The following MANSC1 variants were observed in gnomAD, a reference collection of about 807,000 sequenced individuals.
MANSC1 encodes the protein MANSC domain containing 1.
A neutral mutation model predicts 14.1 loss-of-function variants in MANSC1; 13 were observed. That is an observed-to-expected ratio of 0.92 (90% CI 0.60 to 1.46). The LOEUF is 1.46. Among genes scored for constraint, MANSC1 ranks in the 40% most tolerant of loss-of-function variants. MANSC1 has a pLI of 0.00. For synonymous variants in MANSC1, 227 were observed against 200.7 expected (o/e 1.13, Z -1.11); for missense variants, 486 against 511.4 (o/e 0.95, Z 0.48).
At chr12:12,334,756 T>G (rs1393129944) in intron 3 of MANSC1, among the ~76,000 whole-genome samples, 3 of 152,214 alleles carry the variant, frequency 2.0e-5, no homozygotes, top group African/African-American at 7.2e-5. Context: ...CCAGAAGTAT[T>G]AGAAAACAAA....
Position 12,327,275 on chromosome 12 carries a change from C to A in MANSC1, c.*2752G>T, listed in dbSNP as rs1190883250. 1 of 152,290 alleles carries A rather than the reference C, an allele frequency of 6.6e-6. No homozygotes were observed. Among genetic ancestry groups the A allele is most frequent in the African/African-American group, 2.4e-5 (1 of 41,436 alleles). The allele number at this position is 152,290 out of a possible 1,614,324, so 9.4% of individuals were successfully genotyped here. A position where few individuals can be genotyped will look rare whatever the true frequency, so the allele number is the denominator to read the frequency against. On this transcript the variant is annotated 3_prime_UTR_variant, in exon 4 of 4. Coordinates refer to ENST00000535902, the MANE Select transcript of MANSC1 (RefSeq NM_018050.4). The stretch of plus-strand genomic sequence containing the variant: ...AACTCAATGGGCCTTGTGGGAAAGG[C>A]TAACCAGACTAGTCACTGCTGAATT...
intron 2 of MANSC1, among the ~76,000 whole-genome samples, chr12:12,340,898 G>T (rs537557237): frequency 1.3e-5 from 2 of 152,110 alleles, no homozygotes; most frequent in African/African-American, 4.8e-5. Context: ...TAAATTACTT[G>T]CATAAAGTGT....
intron 2 of MANSC1, among the ~76,000 whole-genome samples, chr12:12,340,222 G>T (rs953105358): frequency 1.3e-5 from 2 of 152,152 alleles, no homozygotes; most frequent in Non-Finnish European, 2.9e-5. Context: ...ATCTTTGGGA[G>T]GTCAGCGTAT....
chr12:12,328,146 T>G lies in MANSC1; in HGVS notation c.*1881A>C, dbSNP rs1332222076. On this transcript the variant is annotated 3_prime_UTR_variant, in exon 4 of 4. Coordinates refer to ENST00000535902, the MANE Select transcript of MANSC1 (RefSeq NM_018050.4). ...GTATCAAACTGACCCAGGGGACTTC[T>G]GGACTCTTTGTTACCTCACCTATAA... 6.6e-6 allele frequency: 1 copy of G among 150,586 alleles called. No individual in the cohort carries two copies. The highest frequency in any genetic ancestry group is 1.5e-5 in the Non-Finnish European group (1 of 67,370). The allele number at this position is 150,586 out of a possible 1,614,324, so 9.3% of individuals were successfully genotyped here. A position where few individuals can be genotyped will look rare whatever the true frequency, so the allele number is the denominator to read the frequency against.
intron 1 of MANSC1, among the ~76,000 whole-genome samples, chr12:12,347,562 A>G (rs1219155009): frequency 6.6e-6 from 1 of 152,256 alleles, no homozygotes; most frequent in African/African-American, 2.4e-5. Flanking sequence ...CAAGTCAGCA[A>G]TAAGAAAAGA....
chr12:12,343,199 A>G lies in MANSC1; in HGVS notation c.116T>C (p.Ile39Thr), dbSNP rs1206342980. Residue 39 changes from isoleucine (I) to threonine (T), a missense_variant, in exon 2 of 4, where the codon ATT (isoleucine) becomes ACT (threonine). Ile to Thr is a moderately conservative substitution (Grantham distance 89). Coordinates refer to ENST00000535902, the MANE Select transcript of MANSC1 (RefSeq NM_018050.4). ...CLKKSLEDVV[I>T]DIQSSLSKGI... ...CTTAGAAAGAGATGACTGGATGTCA[A>G]TGACAACATCTTCTAGACTCTTTTT... 6.2e-7 allele frequency: 1 copy of G among 1,613,962 alleles called. No homozygotes were observed. The highest frequency in any genetic ancestry group is 1.7e-5 in the Admixed American group (1 of 60,022).
Position 12,330,808 on chromosome 12 carries a change from AGT to A in MANSC1, c.513_514del (p.Leu172PhefsTer15), listed in dbSNP as rs768903226. 27 of 1,614,044 alleles carry A rather than the reference AGT, an allele frequency of 1.7e-5. No individual in the cohort carries two copies. The highest frequency in any genetic ancestry group is 2.1e-5 in the Non-Finnish European group (25 of 1,180,054). ...ATCTGAGGATCCAAACTTCTGAGAA[AGT>A]GTGTCTCTCCATGAGATATCGGTGG... On this transcript the variant is annotated frameshift_variant, in exon 4 of 4. Transcript: ENST00000535902. LOFTEE classifies it low-confidence loss of function (END_TRUNC).
Position 12,329,924 on chromosome 12 carries a change from G to T in MANSC1, c.*103C>A. On this transcript the variant is annotated 3_prime_UTR_variant, in exon 4 of 4. Coordinates refer to ENST00000535902, the MANE Select transcript of MANSC1 (RefSeq NM_018050.4). ...GGAAAGCAGAAGGGGGCATTTTCCTGTCTTCAAAATACAACCTCCTGCTAA... is the reference window on the plus strand; with the variant it reads ...GGAAAGCAGAAGGGGGCATTTTCCTTTCTTCAAAATACAACCTCCTGCTAA... The T allele has an allele frequency of 7.3e-6, 7 of 961,024 alleles. No individual in the cohort carries two copies. Among genetic ancestry groups the T allele is most frequent in the Non-Finnish European group, 1.1e-5 (7 of 659,114 alleles). 59.5% of individuals were successfully genotyped at this position (961,024 alleles called of 1,614,324 possible).
chr12:12,330,560 T>A lies in MANSC1; in HGVS notation c.763A>T (p.Thr255Ser). The change falls in exon 4 of 4, where the codon ACA becomes TCA. Residue 255 changes from threonine to serine, a missense_variant. Coordinates refer to ENST00000535902, the MANE Select transcript of MANSC1 (RefSeq NM_018050.4). ...TGTGGCTGGGAAGTCCCAGAAGGTGTCACTGAAGCATTGGTGGGTAGAAGG... is the reference window on the plus strand; with the variant it reads ...TGTGGCTGGGAAGTCCCAGAAGGTGACACTGAAGCATTGGTGGGTAGAAGG... ...ATLLPTNASV[T>S]PSGTSQPQLA... 1 of 1,614,192 alleles carries A rather than the reference T, an allele frequency of 6.2e-7. No individual in the cohort carries two copies. The highest frequency in any genetic ancestry group is 2.2e-5 in the East Asian group (1 of 44,886).
rs995433531 is a variant in MANSC1 at position 12,326,091 on chromosome 12, A to G, written c.*3936T>C. On this transcript the variant is annotated 3_prime_UTR_variant, in exon 4 of 4. Transcript: ENST00000535902. Reference sequence around the variant, plus strand: ...ACAAATATTAGAGATTTATTATTACAGAACAAGATGGAAGTTGGCAGTTCC... The same window carrying G: ...ACAAATATTAGAGATTTATTATTACGGAACAAGATGGAAGTTGGCAGTTCC... 6.6e-6 allele frequency: 1 copy of G among 152,228 alleles called. No individual in the cohort carries two copies. The highest frequency in any genetic ancestry group is 1.5e-5 in the Non-Finnish European group (1 of 68,050). 9.4% of individuals were successfully genotyped at this position (152,228 alleles called of 1,614,324 possible).
chr12:12,349,521 T>C (rs1863049765), intron 1 of MANSC1, among the ~76,000 whole-genome samples: 1 of 152,118 alleles, frequency 6.6e-6, no homozygotes, highest in Non-Finnish European at 1.5e-5. Flanking sequence ...TGAAGTCGAG[T>C]TGAATCTTGT....
intron 3 of MANSC1, among the ~76,000 whole-genome samples, chr12:12,337,917 G>A (rs1336912977): frequency 6.6e-6 from 1 of 152,108 alleles, no homozygotes; most frequent in East Asian, 1.9e-4. Flanking sequence ...AATATTTCTT[G>A]AATGAATTTC....
intron 1 of MANSC1, among the ~76,000 whole-genome samples, chr12:12,348,017 C>A (rs1192594343): frequency 6.6e-6 from 1 of 151,770 alleles, no homozygotes; most frequent in African/African-American, 2.4e-5. Flanking sequence ...GAGCCGAGAT[C>A]ATGCCACTGC....
In MANSC1 at chr12:12,330,902, G is replaced by C. The variant is rs34668262; in HGVS notation, c.421C>G (p.Leu141Val). The change falls in exon 4 of 4, where the codon CTC becomes GTC. Residue 141 changes from leucine to valine, a missense_variant. Coordinates refer to ENST00000535902, the MANE Select transcript of MANSC1 (RefSeq NM_018050.4). ...GCTTGTGAAAATTGGCCATGTAAGA[G>C]AGAATCTTCCTGGGGTAACTCTTGG... is the stretch of plus-strand genomic sequence containing the variant. ...PSQELPQEDS[L>V]LHGQFSQAVT... 7.6e-4 allele frequency: 1,227 copies of C among 1,611,176 alleles called. 14 individuals are homozygous for C. The African/African-American group carries it at 0.015, about 20-fold the overall frequency.
At chr12:12,347,999 G>T (rs1026205149) in intron 1 of MANSC1, among the ~76,000 whole-genome samples, 1 of 152,088 alleles carries the variant, frequency 6.6e-6, no homozygotes, top group Non-Finnish European at 1.5e-5. Context: ...GGACGTGGAG[G>T]TTGCAGTGAG....
chr12:12,330,275 T>TG lies in MANSC1; in HGVS notation c.1047dup (p.Thr350HisfsTer4). The TG allele has an allele frequency of 6.2e-7, 1 of 1,614,232 alleles. No homozygotes were observed. The highest frequency in any genetic ancestry group is 8.5e-7 in the Non-Finnish European group (1 of 1,180,044). ...TCCCAGGAAGCAGTTTTATTCATAG[T>TG]GGAAGACTCCACATTTGACATAGAA... On this transcript the variant is annotated frameshift_variant, in exon 4 of 4. Transcript: ENST00000535902. LOFTEE classifies it low-confidence loss of function (END_TRUNC).
intron 2 of MANSC1, among the ~76,000 whole-genome samples, chr12:12,339,737 C>A (rs1862910425): frequency 1.3e-5 from 2 of 151,412 alleles, no homozygotes; most frequent in South Asian, 2.1e-4. Flanking sequence ...TTCCAATTAC[C>A]CCTCTCTCCT....
intron 1 of MANSC1, among the ~76,000 whole-genome samples, chr12:12,343,831 G>A (rs1862969658): frequency 6.6e-6 from 1 of 152,130 alleles, no homozygotes; most frequent in Non-Finnish European, 1.5e-5. Context: ...TCTACTAGGG[G>A]CTAGGCGTGG....
intron 1 of MANSC1, among the ~76,000 whole-genome samples, chr12:12,349,836 G>GA (rs1863054646): frequency 1.3e-5 from 2 of 152,224 alleles, no homozygotes; most frequent in Admixed American, 1.3e-4. Flanking sequence ...CTCTCCTTCT[G>GA]ATGTCAACGC....
Sources: gnomAD v4.1 joint callset for allele counts (sites outside exome capture counted in the v4.1 genomes callset) on GRCh38, gnomAD v4.1.1 for gene constraint, MANE v1.5 for transcripts, NCBI Gene and HGNC (gene_info 2026-07-23, HGNC 2026-07-21) for gene names.